The following CNTN4 variants were observed in gnomAD, a reference collection of about 807,000 sequenced individuals.
CNTN4 encodes contactin-4.
A neutral mutation model predicts 122.5 loss-of-function variants in CNTN4; 77 were observed. The observed-to-expected ratio is 0.63, with a 90% confidence interval of 0.52 to 0.76. The LOEUF (loss-of-function observed/expected upper bound fraction) is 0.76, where lower values mean the gene tolerates loss of function less well. CNTN4 is among the 30% of genes least tolerant of loss of function. The probability of loss-of-function intolerance (pLI) is 0.00; values close to 1 mark genes in which losing one functional copy is unlikely to be tolerated. For synonymous variants in CNTN4, 512 were observed against 447.0 expected (o/e 1.15, Z -1.83); for missense variants, 1,256 against 1,259.1 (o/e 1.00, Z 0.04).
chr3:2,887,587 C>T (rs940614261), intron 10 of CNTN4, among the ~76,000 whole-genome samples: 3 of 151,600 alleles, frequency 2.0e-5, no homozygotes, highest in Admixed American at 6.6e-5. Context: ...AAGCTCTGTG[C>T]TTTTCTTCAT....
At chr3:2,896,768 A>G (rs577360212) in intron 10 of CNTN4, among the ~76,000 whole-genome samples, 1 of 152,242 alleles carries the variant, frequency 6.6e-6, no homozygotes, top group East Asian at 1.9e-4. Context: ...AAAGCCAAGT[A>G]ATTATCTCCA....
At chr3:2,242,019 G>A (rs2039960676) in intron 2 of CNTN4, among the ~76,000 whole-genome samples, 1 of 152,114 alleles carries the variant, frequency 6.6e-6, no homozygotes, top group African/African-American at 2.4e-5. Flanking sequence ...AAAAGAGCAT[G>A]TCTGCATCTG....
chr3:2,308,199 T>C (rs2042788480), intron 2 of CNTN4, among the ~76,000 whole-genome samples: 1 of 152,128 alleles, frequency 6.6e-6, no homozygotes, highest in Non-Finnish European at 1.5e-5. Flanking sequence ...TAGTGGTTTA[T>C]AGTAATTGCC....
At chr3:2,850,518 G>C (rs1424847531) in intron 7 of CNTN4, among the ~76,000 whole-genome samples, 1 of 152,158 alleles carries the variant, frequency 6.6e-6, no homozygotes, top group East Asian at 1.9e-4. Flanking sequence ...AAGCCACTGA[G>C]ACTTTACATG....
chr3:2,508,208 A>G (rs1410249535), intron 3 of CNTN4, among the ~76,000 whole-genome samples: 3 of 152,180 alleles, frequency 2.0e-5, no homozygotes, highest in African/African-American at 2.4e-5. Flanking sequence ...GTTGGAAAAG[A>G]AGGTTCAATC....
chr3:2,169,689 GC>G (rs1235229267), intron 2 of CNTN4, among the ~76,000 whole-genome samples: 2 of 152,106 alleles, frequency 1.3e-5, no homozygotes, highest in East Asian at 1.9e-4. Context: ...GAGCCACCGC[GC>G]CCGGCCTAGA....
intron 3 of CNTN4, among the ~76,000 whole-genome samples, chr3:2,377,935 A>AT (rs888069666): frequency 6.6e-6 from 1 of 152,128 alleles, no homozygotes; most frequent in African/African-American, 2.4e-5. Context: ...GTAAAGATTT[A>AT]TTTTTCCAAA....
chr3:2,554,316 T>C (rs1353983038), intron 3 of CNTN4, among the ~76,000 whole-genome samples: 3 of 152,124 alleles, frequency 2.0e-5, no homozygotes, highest in East Asian at 3.9e-4. Context: ...TTATAACATA[T>C]ATTAATTTCT....
chr3:2,599,377 A>G (rs1032322836), intron 4 of CNTN4, among the ~76,000 whole-genome samples: 1 of 152,258 alleles, frequency 6.6e-6, no homozygotes, highest in Non-Finnish European at 1.5e-5. Context: ...GTTGACTAAC[A>G]TGTAGCATTG....
At chr3:2,602,275 T>C (rs186746840) in intron 4 of CNTN4, among the ~76,000 whole-genome samples, 45 of 152,286 alleles carry the variant, frequency 3.0e-4, no homozygotes, top group Non-Finnish European at 5.1e-4. Context: ...ATAAAGGGTA[T>C]TCAATTAGGA....
At chr3:2,535,340 G>A (rs112645745) in intron 3 of CNTN4, among the ~76,000 whole-genome samples, 172 of 152,152 alleles carry the variant, frequency 1.1e-3, no homozygotes, top group African/African-American at 3.8e-3. Context: ...TTCCAAATAT[G>A]TATCTCTTAC....
intron 10 of CNTN4, among the ~76,000 whole-genome samples, chr3:2,898,178 G>A (rs1049173008): frequency 2.6e-5 from 4 of 152,152 alleles, no homozygotes; most frequent in African/African-American, 7.2e-5. Context: ...TGCAAATGGC[G>A]TGTTAAGATA....
Position 3,056,127 on chromosome 3 carries a change from C to T in CNTN4, c.2988C>T (p.Tyr996=), listed in dbSNP as rs369209718. The change falls in exon 25 of 25, where the codon TAC becomes TAT. Residue 996 remains tyrosine (Y), a synonymous_variant. Coordinates refer to ENST00000418658, the MANE Select transcript of CNTN4 (RefSeq NM_175607.3). ...TTTGTTCTCTCTTTTCAGATGCCTA[C>T]GCGAGAGGATCTGGGGCTTCCACTT... ...QIRIPKISNA[Y]ARGSGASTSN... is the part of the protein sequence containing the mutation. 2.0e-5 allele frequency: 32 copies of T among 1,613,600 alleles called. 1 individual carries two copies. The highest frequency in any genetic ancestry group is 4.0e-5 in the African/African-American group (3 of 75,056).
intron 8 of CNTN4, among the ~76,000 whole-genome samples, chr3:2,867,517 G>A (rs965507096): frequency 2.0e-5 from 3 of 152,120 alleles, no homozygotes; most frequent in Non-Finnish European, 2.9e-5. Context: ...AAATCACTGT[G>A]TACTTTGTAA....
At chr3:2,177,455 C>T (rs1403539057) in intron 2 of CNTN4, among the ~76,000 whole-genome samples, 1 of 152,090 alleles carries the variant, frequency 6.6e-6, no homozygotes, top group Non-Finnish European at 1.5e-5. Flanking sequence ...CTGCTCACCA[C>T]ACTTCTTGAG....
intron 14 of CNTN4, among the ~76,000 whole-genome samples, chr3:3,005,040 C>T (rs1696478808): frequency 6.6e-6 from 1 of 152,350 alleles, no homozygotes; most frequent in African/African-American, 2.4e-5. Context: ...AATAAGCACA[C>T]ATTCACTGCC....
At chr3:2,609,540 A>G (rs1451893479) in intron 4 of CNTN4, among the ~76,000 whole-genome samples, 1 of 152,196 alleles carries the variant, frequency 6.6e-6, no homozygotes, top group African/African-American at 2.4e-5. Context: ...TGAAACAACT[A>G]TTTGTACTTC....
chr3:3,050,949 C>A (rs1328949421), intron 23 of CNTN4, among the ~76,000 whole-genome samples: 2 of 152,120 alleles, frequency 1.3e-5, no homozygotes, highest in Non-Finnish European at 2.9e-5. Context: ...GCATTTAGAA[C>A]AAGCTTGTAC....
chr3:2,302,559 T>G (rs1420279661), intron 2 of CNTN4, among the ~76,000 whole-genome samples: 1 of 152,230 alleles, frequency 6.6e-6, no homozygotes, highest in Non-Finnish European at 1.5e-5. Flanking sequence ...GTTGAAATAT[T>G]TAATTTTGAA....
Sources: allele counts gnomAD v4.1 joint callset (sites outside exome capture counted in the v4.1 genomes callset), GRCh38; gene constraint gnomAD v4.1.1; transcripts MANE v1.5; gene names NCBI Gene and HGNC (gene_info 2026-07-23, HGNC 2026-07-21).